PDE4B: variants seen among roughly 807,000 people sequenced by gnomAD.
PDE4B encodes the protein 3',5'-cyclic-AMP phosphodiesterase 4B.
PDE4B carries 20 observed loss-of-function variants against 82.2 expected under a neutral mutation model. The observed-to-expected ratio is 0.24, with a 90% confidence interval of 0.17 to 0.35. PDE4B has a LOEUF of 0.35. PDE4B is among the 10% of genes least tolerant of loss of function. The pLI, the probability that PDE4B is intolerant of heterozygous loss-of-function variation, is 1.00. For missense variants in PDE4B, 655 were observed against 907.2 expected, an observed-to-expected ratio of 0.72 and a Z score of 3.57; for synonymous variants, 320 against 318.9, an observed-to-expected ratio of 1.00 and a Z score of -0.04.
intron 3 of PDE4B, among the ~76,000 whole-genome samples, chr1:66,202,672 C>T (rs1407028207): frequency 6.6e-6 from 1 of 151,968 alleles, no homozygotes; most frequent in Non-Finnish European, 1.5e-5. Flanking sequence ...ATTGCAACCC[C>T]TGCCTTTTTT....
At chr1:66,363,915 A>T (rs1273738139) in intron 12 of PDE4B, among the ~76,000 whole-genome samples, 1 of 152,212 alleles carries the variant, frequency 6.6e-6, no homozygotes, top group Admixed American at 6.5e-5. Flanking sequence ...ATAAAAAATG[A>T]ATGACATTTC....
At chr1:66,347,429 A>G (rs1214329861) in intron 8 of PDE4B, among the ~76,000 whole-genome samples, 1 of 152,218 alleles carries the variant, frequency 6.6e-6, no homozygotes, top group Non-Finnish European at 1.5e-5. Flanking sequence ...ACCTGTTACA[A>G]ATTTTCCTCA....
chr1:66,373,506 C>T lies in PDE4B; in HGVS notation c.*828C>T, dbSNP rs1042469273. ...GCCCTGCTGTGTCTTGGACCCTGCC[C>T]CCCACAGGAGTTGTACAGTCCCTGG... On this transcript the variant is annotated 3_prime_UTR_variant, in exon 17 of 17. Coordinates refer to ENST00000341517, the MANE Select transcript of PDE4B (RefSeq NM_002600.4). 2.0e-5 allele frequency: 3 copies of T among 152,644 alleles called. No homozygotes were observed. Among genetic ancestry groups the T allele is most frequent in the African/African-American group, 7.2e-5 (3 of 41,420 alleles). The allele number at this position is 152,644 out of a possible 1,614,324, so 9.5% of individuals were successfully genotyped here.
At chr1:66,061,021 A>G (rs1163182705) in intron 3 of PDE4B, among the ~76,000 whole-genome samples, 1 of 151,934 alleles carries the variant, frequency 6.6e-6, no homozygotes, top group African/African-American at 2.4e-5. Flanking sequence ...AGTGGGCAGC[A>G]TATTTATTCT....
At chr1:65,818,357 T>C (rs1645909423) in intron 1 of PDE4B, among the ~76,000 whole-genome samples, 1 of 152,210 alleles carries the variant, frequency 6.6e-6, no homozygotes. Context: ...AGAGCTGTGA[T>C]CTTTTCATGC....
At chr1:66,087,321 G>A (rs564204756) in intron 3 of PDE4B, among the ~76,000 whole-genome samples, 15 of 152,172 alleles carry the variant, frequency 9.9e-5, no homozygotes, top group South Asian at 6.2e-4. Flanking sequence ...AATATCCTTC[G>A]CCCACTTTTT....
At chr1:65,978,851 C>T (rs1650544183) in intron 3 of PDE4B, among the ~76,000 whole-genome samples, 1 of 152,164 alleles carries the variant, frequency 6.6e-6, no homozygotes, top group Non-Finnish European at 1.5e-5. Flanking sequence ...CTCACCTTGG[C>T]ATCTCATTCC....
intron 3 of PDE4B, among the ~76,000 whole-genome samples, chr1:65,951,724 C>A (rs1467552967): frequency 6.6e-6 from 1 of 152,030 alleles, no homozygotes; most frequent in East Asian, 1.9e-4. Context: ...TTAAATTGAC[C>A]TCTCCAAAGG....
intron 1 of PDE4B, among the ~76,000 whole-genome samples, chr1:65,891,093 A>T (rs558490598): frequency 1.2e-4 from 19 of 152,276 alleles, no homozygotes; most frequent in African/African-American, 4.1e-4. Flanking sequence ...AACAATGTCC[A>T]GTGTGTGATT....
At chr1:66,265,250 C>T (rs938733223) in intron 6 of PDE4B, among the ~76,000 whole-genome samples, 1 of 152,132 alleles carries the variant, frequency 6.6e-6, no homozygotes, top group East Asian at 1.9e-4. Context: ...TTGAGAGCCC[C>T]GCTCAATAGT....
chr1:65,956,765 G>A (rs1453686706), intron 3 of PDE4B, among the ~76,000 whole-genome samples: 2 of 152,122 alleles, frequency 1.3e-5, no homozygotes, highest in Non-Finnish European at 2.9e-5. Flanking sequence ...TGTACCCGGA[G>A]AAGAGACAGT....
chr1:65,833,920 T>G (rs1646111301), intron 1 of PDE4B, among the ~76,000 whole-genome samples: 1 of 152,248 alleles, frequency 6.6e-6, no homozygotes, highest in Non-Finnish European at 1.5e-5. Flanking sequence ...TGGCTACATT[T>G]TGCTGTTACC....
intron 9 of PDE4B, among the ~76,000 whole-genome samples, chr1:66,359,609 G>A (rs1662587242): frequency 1.3e-5 from 2 of 152,162 alleles, no homozygotes; most frequent in Admixed American, 1.3e-4. Context: ...CACTGTTGCA[G>A]GGAATCTTTA....
intron 3 of PDE4B, among the ~76,000 whole-genome samples, chr1:66,200,081 A>C (rs1312107583): frequency 2.0e-5 from 3 of 152,170 alleles, no homozygotes; most frequent in Non-Finnish European, 4.4e-5. Context: ...CAGTTTTCCC[A>C]GCACCATTTA....
chr1:66,158,642 A>G (rs972130573), intron 3 of PDE4B, among the ~76,000 whole-genome samples: 9 of 152,212 alleles, frequency 5.9e-5, no homozygotes, highest in African/African-American at 1.4e-4. Context: ...TGTCACTCCC[A>G]TGTTTATTGC....
Position 66,174,211 on chromosome 1 carries a change from T to A in PDE4B, c.282-73249T>A, listed in dbSNP as rs1471972373. On this transcript the variant is annotated intron_variant, in intron 3 of 16. Coordinates refer to ENST00000341517, the MANE Select transcript of PDE4B (RefSeq NM_002600.4). ...TTACACCACGTCAATTAATTATAGG[T>A]TAACGATCACTTAAATGCAGTAGGG... 2.0e-5 allele frequency among the ~76,000 whole-genome samples: 3 copies of A among 152,206 alleles called. No individual in the cohort carries two copies. The East Asian group carries it at 5.8e-4, about 29-fold the overall frequency.
rs1398612587 is a variant in PDE4B, at chr1:65,937,886, A to G, written c.281+19051A>G. 8.5e-5 allele frequency among the ~76,000 whole-genome samples: 13 copies of G among 152,284 alleles called. No homozygotes were observed. The East Asian group carries it at 2.3e-3, about 27-fold the overall frequency. On this transcript the variant is annotated intron_variant, in intron 3 of 16. Transcript: ENST00000341517. ...ATTGGTATAATACTTTACAATATAG[A>G]TGATATTCTCACTGTAACACATTAT...
rs543916016 is a variant in PDE4B, at chr1:66,320,337, TC to T, written c.635-12169del. 1.6e-3 allele frequency among the ~76,000 whole-genome samples: 249 copies of T among 152,236 alleles called. 1 individual carries two copies. The highest frequency in any genetic ancestry group is 5.5e-3 in the African/African-American group (228 of 41,556). ...GTGGGTACTCAGTGAGAGTTAAATA[TC>T]CAAATCTGCAAGTGATTTTGCAGAA... On this transcript the variant is annotated intron_variant, in intron 7 of 16. Coordinates refer to ENST00000341517, the MANE Select transcript of PDE4B (RefSeq NM_002600.4).
intron 1 of PDE4B, among the ~76,000 whole-genome samples, chr1:65,821,764 G>C (rs1231982896): frequency 6.6e-6 from 1 of 152,070 alleles, no homozygotes; most frequent in Non-Finnish European, 1.5e-5. Context: ...CTCATTCCTG[G>C]CATGCATAAG....
Sources: allele counts gnomAD v4.1 joint callset (sites outside exome capture counted in the v4.1 genomes callset), GRCh38; gene constraint gnomAD v4.1.1; transcripts MANE v1.5; gene names NCBI Gene and HGNC (gene_info 2026-07-23, HGNC 2026-07-21).